ASIC2: variants seen among roughly 807,000 people sequenced by gnomAD.
ASIC2 encodes the protein acid sensing ion channel subunit 2.
ASIC2 carries 25 observed loss-of-function variants against 57.3 expected under a neutral mutation model. The ratio of observed to expected loss-of-function variants is 0.44; its 90% CI spans 0.32 to 0.61. ASIC2 has a LOEUF of 0.61. ASIC2 is among the 20% of genes least tolerant of loss of function. ASIC2 has a pLI of 0.06. For missense variants in ASIC2, 641 were observed against 738.1 expected, an observed-to-expected ratio of 0.87 and a Z score of 1.52; for synonymous variants, 319 against 307.5, an observed-to-expected ratio of 1.04 and a Z score of -0.39.
At chr17:34,127,147 G>C (rs1337966630) in intron 1 of ASIC2, among the ~76,000 whole-genome samples, 1 of 152,006 alleles carries the variant, frequency 6.6e-6, no homozygotes, top group Non-Finnish European at 1.5e-5. Context: ...GTAAGAGGGG[G>C]TTTGTTTTTC....
chr17:33,617,527 A>T (rs1033313025), intron 1 of ASIC2, among the ~76,000 whole-genome samples: 24 of 150,460 alleles, frequency 1.6e-4, no homozygotes, highest in African/African-American at 4.9e-4. Flanking sequence ...AGGGGAGAAT[A>T]AAAAAACTAC....
intron 1 of ASIC2, among the ~76,000 whole-genome samples, chr17:33,258,896 C>T (rs1046739203): frequency 5.3e-5 from 8 of 152,102 alleles, no homozygotes; most frequent in East Asian, 1.9e-4. Context: ...CAGTGGAGGC[C>T]GGGACATGCA....
chr17:33,213,009 T>C (rs568583536), intron 1 of ASIC2, among the ~76,000 whole-genome samples: 1 of 152,362 alleles, frequency 6.6e-6, no homozygotes, highest in African/African-American at 2.4e-5. Context: ...TATATCTATG[T>C]GCTAAGCAAA....
chr17:33,028,443 C>CTCAT, intron 3 of ASIC2, 51 bp from the exon 4 acceptor site: 5 of 1,601,386 alleles, frequency 3.1e-6, no homozygotes, highest in Non-Finnish European at 4.3e-6. Context: ...GACTCAGTAA[C>CTCAT]TCATTCATTT....
rs187002366 is a variant in ASIC2 at position 34,032,848 on chromosome 17, C to T, written c.555+123130G>A. ...TATATATGCGCCCAGTACAGGAGTA[C>T]CCAGATTCATAAAGTAAGTCCTTAA... On this transcript the variant is annotated intron_variant, in intron 1 of 9. Transcript: ENST00000359872. 6.4e-4 allele frequency among the ~76,000 whole-genome samples: 97 copies of T among 152,134 alleles called. 1 individual carries two copies. Among genetic ancestry groups the T allele is most frequent in the African/African-American group, 2.3e-3 (94 of 41,404 alleles).
intron 1 of ASIC2, among the ~76,000 whole-genome samples, chr17:33,287,464 T>C (rs1905242569): frequency 6.6e-6 from 1 of 152,156 alleles, no homozygotes; most frequent in Non-Finnish European, 1.5e-5. Flanking sequence ...CCCACCCAAT[T>C]ACTGGGAAGG....
intron 1 of ASIC2, among the ~76,000 whole-genome samples, chr17:33,934,768 A>G (rs978995360): frequency 1.3e-5 from 2 of 152,196 alleles, no homozygotes; most frequent in African/African-American, 4.8e-5. Context: ...ACACACTTGC[A>G]TACACCCACA....
At chr17:33,172,910 T>A (rs1352251381) in intron 1 of ASIC2, among the ~76,000 whole-genome samples, 1 of 152,208 alleles carries the variant, frequency 6.6e-6, no homozygotes, top group Non-Finnish European at 1.5e-5. Flanking sequence ...GTGGAAGGAA[T>A]GTCAGCTTTG....
intron 1 of ASIC2, among the ~76,000 whole-genome samples, chr17:33,778,093 C>A (rs1911338537): frequency 6.6e-6 from 1 of 152,172 alleles, no homozygotes; most frequent in Non-Finnish European, 1.5e-5. Flanking sequence ...TGCTGATTCA[C>A]TGAGCTACCT....
chr17:33,880,695 C>A (rs1191850254), intron 1 of ASIC2, among the ~76,000 whole-genome samples: 1 of 152,196 alleles, frequency 6.6e-6, no homozygotes, highest in Non-Finnish European at 1.5e-5. Context: ...GGAGCTGGTA[C>A]CATTCCTTCT....
At chr17:33,625,479 C>G (rs1370432812) in intron 1 of ASIC2, among the ~76,000 whole-genome samples, 1 of 152,184 alleles carries the variant, frequency 6.6e-6, no homozygotes, top group Admixed American at 6.5e-5. Flanking sequence ...CTGAAAGACC[C>G]TGAGCCAGAA....
At chr17:33,842,160 C>T (rs1385686290) in intron 1 of ASIC2, among the ~76,000 whole-genome samples, 2 of 152,172 alleles carry the variant, frequency 1.3e-5, no homozygotes, top group Non-Finnish European at 2.9e-5. Flanking sequence ...AAACAACATG[C>T]AGTTTATACA....
At chr17:34,048,839 T>C (rs537590004) in intron 1 of ASIC2, among the ~76,000 whole-genome samples, 1 of 152,346 alleles carries the variant, frequency 6.6e-6, no homozygotes, top group East Asian at 1.9e-4. Flanking sequence ...TGAACACCAT[T>C]CTATTTATGA....
chr17:33,325,701 T>G (rs1032384512), intron 1 of ASIC2, among the ~76,000 whole-genome samples: 2 of 151,866 alleles, frequency 1.3e-5, no homozygotes, highest in South Asian at 4.2e-4. Context: ...GAGCAGCAAG[T>G]GGGTATGAGA....
intron 1 of ASIC2, among the ~76,000 whole-genome samples, chr17:33,361,687 G>C (rs577540479): frequency 6.6e-6 from 1 of 152,182 alleles, no homozygotes; most frequent in Admixed American, 6.5e-5. Flanking sequence ...GAGTCTTACC[G>C]AAGGTCATAC....
chr17:33,800,730 C>T (rs1328897094), intron 1 of ASIC2, among the ~76,000 whole-genome samples: 1 of 152,150 alleles, frequency 6.6e-6, no homozygotes. Context: ...AAACTTTGGA[C>T]ACAGTATTAT....
chr17:33,403,259 C>A (rs561746782), intron 1 of ASIC2, among the ~76,000 whole-genome samples: 1 of 152,288 alleles, frequency 6.6e-6, no homozygotes, highest in East Asian at 1.9e-4. Context: ...CATATAAATA[C>A]ACTCACAATA....
At chr17:33,878,702 C>A (rs866283691) in intron 1 of ASIC2, among the ~76,000 whole-genome samples, 169 of 152,292 alleles carry the variant, frequency 1.1e-3, no homozygotes, top group African/African-American at 3.6e-3. Flanking sequence ...TATCCAGGAG[C>A]ACTTCCCCAA....
intron 3 of ASIC2, among the ~76,000 whole-genome samples, chr17:33,055,457 C>T (rs2091994233): frequency 6.6e-6 from 1 of 152,222 alleles, no homozygotes; most frequent in Admixed American, 6.5e-5. Context: ...GCTTCACATT[C>T]CTATGTTATG....
Sources: allele counts gnomAD v4.1 joint callset (sites outside exome capture counted in the v4.1 genomes callset), GRCh38; gene constraint gnomAD v4.1.1; transcripts MANE v1.5; gene names NCBI Gene and HGNC (gene_info 2026-07-23, HGNC 2026-07-21).